NLGN1: variants seen among roughly 807,000 people sequenced by gnomAD.
NLGN1 encodes neuroligin 1.
In NLGN1, 12 loss-of-function variants were observed where a neutral mutation model predicts 65.5. The ratio of observed to expected loss-of-function variants is 0.18; its 90% confidence interval spans 0.12 to 0.30. The LOEUF is 0.30. Ranked by LOEUF, NLGN1 falls within the 10% of genes least tolerant of loss-of-function variation. NLGN1 has a pLI of 1.00. For missense variants in NLGN1, 750 were observed against 1,007.1 expected, an observed-to-expected ratio of 0.74 and a Z score of 3.46; for synonymous variants, 350 against 359.5, an observed-to-expected ratio of 0.97 and a Z score of 0.30.
chr3:173,980,114 C>T (rs893279985), intron 4 of NLGN1, among the ~76,000 whole-genome samples: 2 of 151,978 alleles, frequency 1.3e-5, no homozygotes, highest in Non-Finnish European at 2.9e-5. Context: ...GTACCAGCCA[C>T]TTATGCCTCT....
intron 4 of NLGN1, among the ~76,000 whole-genome samples, chr3:174,256,686 T>C (rs1373092191): frequency 6.6e-6 from 1 of 152,154 alleles, no homozygotes; most frequent in Non-Finnish European, 1.5e-5. Flanking sequence ...ACTCCAAAAC[T>C]TAGGAATAAG....
At chr3:173,457,003 A>G (rs757839472) in intron 2 of NLGN1, among the ~76,000 whole-genome samples, 3 of 152,104 alleles carry the variant, frequency 2.0e-5, no homozygotes, top group Non-Finnish European at 4.4e-5. Flanking sequence ...ACCCTAACCT[A>G]TCTCTTCCCA....
chr3:173,467,379 A>G (rs112436160), intron 2 of NLGN1, among the ~76,000 whole-genome samples: 3,868 of 152,206 alleles, frequency 0.025, 158 homozygotes, highest in African/African-American at 0.087. Flanking sequence ...TTTCTACCTT[A>G]GGACATTTCT....
intron 4 of NLGN1, among the ~76,000 whole-genome samples, chr3:173,931,013 C>T (rs968856013): frequency 5.9e-5 from 9 of 152,164 alleles, no homozygotes; most frequent in Admixed American, 5.9e-4. Flanking sequence ...CTATAAAGCA[C>T]CATGAAACTA....
Position 173,638,010 on chromosome 3 carries a change from G to A in NLGN1, c.493+32919G>A, listed in dbSNP as rs568125884. Among the ~76,000 whole-genome samples, 23 of 152,258 alleles carry A rather than the reference G, an allele frequency of 1.5e-4. No individual in the cohort carries two copies. In the South Asian group the frequency reaches 4.6e-3, roughly 30 times the overall value. ...CAATTGAAGATATATACTAATAGGT[G>A]TGCCAGTAGATTTTAATAGAGATAT... On this transcript the variant is annotated intron_variant, in intron 3 of 6. Transcript: ENST00000457714.
chr3:173,485,113 A>C (rs1239813148), intron 2 of NLGN1, among the ~76,000 whole-genome samples: 1 of 130,848 alleles, frequency 7.6e-6, no homozygotes, highest in Non-Finnish European at 1.6e-5. Flanking sequence ...GGATGGCAGC[A>C]GGCAAAAAAA....
intron 3 of NLGN1, among the ~76,000 whole-genome samples, chr3:173,790,422 G>A (rs1014569059): frequency 5.9e-5 from 9 of 152,046 alleles, no homozygotes; most frequent in Non-Finnish European, 1.2e-4. Flanking sequence ...CCACAATTCA[G>A]TGATAATTAT....
chr3:174,149,736 T>G (rs1260495890), intron 4 of NLGN1, among the ~76,000 whole-genome samples: 2 of 152,038 alleles, frequency 1.3e-5, no homozygotes, highest in African/African-American at 4.8e-5. Context: ...CAAGATATGA[T>G]AGATAATAAT....
intron 3 of NLGN1, among the ~76,000 whole-genome samples, chr3:173,657,793 C>T (rs989436210): frequency 6.6e-6 from 1 of 151,660 alleles, no homozygotes; most frequent in Non-Finnish European, 1.5e-5. Flanking sequence ...AGGAAGGAAG[C>T]CAAAATTAAT....
chr3:173,943,352 G>C (rs527917829), intron 4 of NLGN1, among the ~76,000 whole-genome samples: 4 of 152,160 alleles, frequency 2.6e-5, no homozygotes, highest in Admixed American at 1.3e-4. Context: ...TTGTCCTTGT[G>C]GGGGCAAGTA....
chr3:174,232,617 A>T (rs1205314137), intron 4 of NLGN1, among the ~76,000 whole-genome samples: 1 of 152,230 alleles, frequency 6.6e-6, no homozygotes, highest in Non-Finnish European at 1.5e-5. Flanking sequence ...CACAGTAAAT[A>T]ATGTAGGCTC....
intron 3 of NLGN1, among the ~76,000 whole-genome samples, chr3:173,660,127 G>A (rs1336105462): frequency 6.6e-6 from 1 of 151,822 alleles, no homozygotes; most frequent in African/African-American, 2.4e-5. Context: ...AGACAGCGGA[G>A]GCAGGTGAAT....
At chr3:173,866,967 T>C (rs1463949512) in intron 4 of NLGN1, among the ~76,000 whole-genome samples, 1 of 152,160 alleles carries the variant, frequency 6.6e-6, no homozygotes, top group Non-Finnish European at 1.5e-5. Context: ...CCATTCAGAA[T>C]TGTAAGTCTG....
intron 1 of NLGN1, among the ~76,000 whole-genome samples, chr3:173,419,000 T>TCTTTAG (rs1274699356): frequency 6.7e-6 from 1 of 149,128 alleles, no homozygotes; most frequent in Non-Finnish European, 1.5e-5. Flanking sequence ...TCCTTTCTGT[T>TCTTTAG]CTTTAGCTTT....
intron 2 of NLGN1, among the ~76,000 whole-genome samples, chr3:173,554,810 CTG>C (rs1741450610): frequency 6.6e-6 from 1 of 152,136 alleles, no homozygotes; most frequent in African/African-American, 2.4e-5. Flanking sequence ...ATCTCTCAAA[CTG>C]TTTTTCATAA....
At chr3:173,833,066 T>C (rs1722919488) in intron 4 of NLGN1, among the ~76,000 whole-genome samples, 1 of 145,244 alleles carries the variant, frequency 6.9e-6, no homozygotes, top group Non-Finnish European at 1.5e-5. Context: ...AAAATCTTTC[T>C]TGCACATTAC....
chr3:174,002,441 T>C (rs1723485427), intron 4 of NLGN1, among the ~76,000 whole-genome samples: 1 of 152,170 alleles, frequency 6.6e-6, no homozygotes, highest in South Asian at 2.1e-4. Flanking sequence ...AATCAGTATT[T>C]TTTAACACTT....
chr3:173,657,192 T>G (rs750523064), intron 3 of NLGN1, among the ~76,000 whole-genome samples: 2 of 152,026 alleles, frequency 1.3e-5, no homozygotes, highest in Non-Finnish European at 2.9e-5. Context: ...AATAAAAGCC[T>G]TAAATTCTGG....
intron 4 of NLGN1, among the ~76,000 whole-genome samples, chr3:173,890,668 T>C (rs574373955): frequency 6.6e-6 from 1 of 152,312 alleles, no homozygotes; most frequent in East Asian, 1.9e-4. Flanking sequence ...CAAAGTACTC[T>C]TAAGGCTAAA....
Sources: gnomAD v4.1 joint callset for allele counts (sites outside exome capture counted in the v4.1 genomes callset) on GRCh38, gnomAD v4.1.1 for gene constraint, MANE v1.5 for transcripts, NCBI Gene and HGNC (gene_info 2026-07-23, HGNC 2026-07-21) for gene names.